DENND1A: variants seen among roughly 807,000 people sequenced by gnomAD.
The protein encoded by DENND1A is DENN domain containing 1A.
DENND1A carries 51 observed loss-of-function variants against 113.7 expected under a neutral mutation model. The observed-to-expected ratio is 0.45, with a 90% confidence interval of 0.36 to 0.57. DENND1A has a LOEUF of 0.57. Ranked by LOEUF, DENND1A falls within the 20% of genes least tolerant of loss-of-function variation. The pLI is 0.00. For missense variants in DENND1A, 1,258 were observed against 1,395.9 expected, an observed-to-expected ratio of 0.90 and a Z score of 1.57; for synonymous variants, 565 against 570.8, an observed-to-expected ratio of 0.99 and a Z score of 0.14.
At chr9:123,890,333 A>G (rs982513327) in intron 1 of DENND1A, among the ~76,000 whole-genome samples, 1 of 152,188 alleles carries the variant, frequency 6.6e-6, no homozygotes, top group African/African-American at 2.4e-5. Flanking sequence ...AAGCTTCACC[A>G]TCTCCCCAGA....
At position 123,403,638 on chromosome 9, in the gene DENND1A, A is replaced by C. The variant is rs145842173; in HGVS notation, c.1543-148T>G. The stretch of plus-strand genomic sequence containing the variant: ...GCTACAAAAGCCCAGCCTATCACAG[A>C]AACATCACCATCTAATAGGCAGCAG... On this transcript the variant is annotated intron_variant, in intron 20 of 23. Transcript: ENST00000394215. 4.6e-4 allele frequency: 307 copies of C among 666,682 alleles called. 1 individual carries two copies. The highest frequency in any genetic ancestry group is 4.5e-3 in the African/African-American group (251 of 56,014). The allele number at this position is 666,682 out of a possible 1,614,324, so 41.3% of individuals were successfully genotyped here.
At chr9:123,806,214 A>G (rs1483466027) in intron 2 of DENND1A, among the ~76,000 whole-genome samples, 1 of 151,588 alleles carries the variant, frequency 6.6e-6, no homozygotes, top group Non-Finnish European at 1.5e-5. Context: ...TCAGCCTCCC[A>G]AAGTGCTGGG....
intron 21 of DENND1A, among the ~76,000 whole-genome samples, chr9:123,395,592 G>A (rs1398117293): frequency 2.0e-5 from 3 of 152,016 alleles, no homozygotes; most frequent in Non-Finnish European, 4.4e-5. Flanking sequence ...GGCTGCTAAG[G>A]GAGTGGGCCC....
intron 5 of DENND1A, among the ~76,000 whole-genome samples, chr9:123,748,725 T>C (rs1031170592): frequency 2.0e-5 from 3 of 152,200 alleles, no homozygotes; most frequent in Admixed American, 6.5e-5. Flanking sequence ...GCCTTCTGCT[T>C]ATTGCTGTTG....
At chr9:123,444,227 T>TA (rs962360916) in intron 18 of DENND1A, among the ~76,000 whole-genome samples, 1 of 152,232 alleles carries the variant, frequency 6.6e-6, no homozygotes, top group African/African-American at 2.4e-5. Context: ...AAATTTATCC[T>TA]AATGAAATAA....
intron 2 of DENND1A, among the ~76,000 whole-genome samples, chr9:123,827,308 A>C (rs1839482711): frequency 6.6e-6 from 1 of 151,670 alleles, no homozygotes; most frequent in African/African-American, 2.4e-5. Context: ...GTCTGAAAGA[A>C]AAGAAGAACT....
intron 19 of DENND1A, among the ~76,000 whole-genome samples, chr9:123,424,417 G>A (rs2045556116): frequency 6.6e-6 from 1 of 152,172 alleles, no homozygotes; most frequent in South Asian, 2.1e-4. Flanking sequence ...TCTCCTAAAT[G>A]TCTCTAGGAT....
At chr9:123,549,032 T>C (rs1286148638) in intron 13 of DENND1A, among the ~76,000 whole-genome samples, 2 of 152,250 alleles carry the variant, frequency 1.3e-5, no homozygotes, top group Non-Finnish European at 2.9e-5. Flanking sequence ...CAATGAACTG[T>C]ATACTTAACA....
At chr9:123,620,227 AAAAAAAAAAAAG>A (rs1330132962) in intron 10 of DENND1A, among the ~76,000 whole-genome samples, 4 of 146,326 alleles carry the variant, frequency 2.7e-5, no homozygotes, top group African/African-American at 1.0e-4. Flanking sequence ...AAAAAAAAAA[AAAAAAAAAAAAG>A]AAAAGAAAAA....
intron 5 of DENND1A, among the ~76,000 whole-genome samples, chr9:123,744,185 T>C (rs1240916735): frequency 1.3e-5 from 2 of 152,236 alleles, no homozygotes; most frequent in Non-Finnish European, 2.9e-5. Context: ...ATTACTTAAC[T>C]ATTCTCATTA....
chr9:123,679,281 G>A (rs904912792), intron 5 of DENND1A, among the ~76,000 whole-genome samples: 4 of 152,322 alleles, frequency 2.6e-5, no homozygotes, highest in African/African-American at 7.2e-5. Flanking sequence ...ACTGACCAAT[G>A]TGGCTTGGGC....
chr9:123,453,079 C>T (rs1031033425), intron 16 of DENND1A, among the ~76,000 whole-genome samples: 1 of 152,120 alleles, frequency 6.6e-6, no homozygotes, highest in African/African-American at 2.4e-5. Context: ...GCACAGGGCA[C>T]GTTTTCATAG....
At chr9:123,684,249 A>G (rs1029880437) in intron 5 of DENND1A, among the ~76,000 whole-genome samples, 3 of 152,180 alleles carry the variant, frequency 2.0e-5, no homozygotes, top group African/African-American at 7.2e-5. Flanking sequence ...TCTAATCTGC[A>G]GTGCCACAGG....
intron 13 of DENND1A, among the ~76,000 whole-genome samples, chr9:123,545,115 G>A (rs1213593462): frequency 6.8e-6 from 1 of 146,968 alleles, no homozygotes; most frequent in Non-Finnish European, 1.5e-5. Context: ...AAAAAAAAAA[G>A]AACTATGACA....
At chr9:123,703,201 T>C (rs1182644661) in intron 5 of DENND1A, among the ~76,000 whole-genome samples, 1 of 152,114 alleles carries the variant, frequency 6.6e-6, no homozygotes, top group Non-Finnish European at 1.5e-5. Flanking sequence ...GTTACCCAGG[T>C]TGGTCTCGAA....
chr9:123,929,462 G>A (rs1857637776), intron 1 of DENND1A, among the ~76,000 whole-genome samples: 1 of 152,172 alleles, frequency 6.6e-6, no homozygotes, highest in African/African-American at 2.4e-5. Context: ...TTCTGTGGGG[G>A]CCGCAGGCCT....
intron 13 of DENND1A, among the ~76,000 whole-genome samples, chr9:123,497,828 A>G (rs973544137): frequency 4.6e-5 from 7 of 151,920 alleles, no homozygotes; most frequent in East Asian, 1.9e-4. Context: ...AAAAAAAAAA[A>G]AAAGAAAAAA....
intron 13 of DENND1A, among the ~76,000 whole-genome samples, chr9:123,518,325 G>A (rs2054109540): frequency 2.0e-5 from 3 of 152,216 alleles, no homozygotes; most frequent in Admixed American, 2.0e-4. Flanking sequence ...AGACAGCCAT[G>A]TGTTGAACAA....
chr9:123,383,878 C>A lies in DENND1A; in HGVS notation c.1796G>T (p.Ser599Ile). The change falls in exon 23 of 24, where the codon AGC becomes ATC. Residue 599 changes from serine to isoleucine, a missense_variant. Physicochemically the swap from Ser to Ile is moderately radical, Grantham distance 142. Coordinates refer to ENST00000394215, the MANE Select transcript of DENND1A (RefSeq NM_001352964.2). ...ACTCTCTGCCTCGTCGCCTTCCGCG[C>A]TGTCTGACTCCCTGAGTGTCCGATA... ...QPYRTLRESD[S>I]AEGDEAESPE... 1 of 1,612,750 alleles carries A rather than the reference C, an allele frequency of 6.2e-7. No individual in the cohort carries two copies. The highest frequency in any genetic ancestry group is 8.5e-7 in the Non-Finnish European group (1 of 1,180,014).
Sources: gnomAD v4.1 joint callset for allele counts (sites outside exome capture counted in the v4.1 genomes callset) on GRCh38, gnomAD v4.1.1 for gene constraint, MANE v1.5 for transcripts, NCBI Gene and HGNC (gene_info 2026-07-23, HGNC 2026-07-21) for gene names.